NALCN: variants seen among roughly 807,000 people sequenced by gnomAD.
NALCN encodes the protein sodium leak channel NALCN.
NALCN carries 111 observed loss-of-function variants against 225.3 expected under a neutral mutation model. The observed-to-expected ratio is 0.49, with a 90% confidence interval of 0.42 to 0.58. The LOEUF is 0.58. NALCN is among the 20% of genes least tolerant of loss of function. The pLI, the probability that NALCN is intolerant of heterozygous loss-of-function variation, is 0.00. For missense variants in NALCN, 1,378 were observed against 2,202.4 expected, an observed-to-expected ratio of 0.63 and a Z score of 7.49; for synonymous variants, 764 against 769.0, an observed-to-expected ratio of 0.99 and a Z score of 0.11.
At chr13:101,174,440 T>G (rs949103384) in intron 15 of NALCN, among the ~76,000 whole-genome samples, 1 of 152,184 alleles carries the variant, frequency 6.6e-6, no homozygotes, top group African/African-American at 2.4e-5. Context: ...TATAGTTTAT[T>G]AAAACTTTAT....
At chr13:101,067,332 GAAGAAGA>G (rs2032500652) in intron 39 of NALCN, among the ~76,000 whole-genome samples, 1 of 96,314 alleles carries the variant, frequency 1.0e-5, no homozygotes, top group African/African-American at 4.1e-5. Flanking sequence ...AGAGGAGGGG[GAAGAAGA>G]GGGGGTAGAG....
At chr13:101,263,952 A>G (rs2042514753) in intron 10 of NALCN, among the ~76,000 whole-genome samples, 1 of 152,234 alleles carries the variant, frequency 6.6e-6, no homozygotes, top group Admixed American at 6.5e-5. Context: ...GGCTGATGAC[A>G]TTACATTTAG....
intron 7 of NALCN, among the ~76,000 whole-genome samples, chr13:101,344,496 C>T (rs746822340): frequency 5.9e-5 from 9 of 152,094 alleles, no homozygotes; most frequent in African/African-American, 7.2e-5. Flanking sequence ...GCACGCAGGC[C>T]TGACACTTGA....
intron 6 of NALCN, among the ~76,000 whole-genome samples, chr13:101,347,329 A>G (rs1462249421): frequency 2.6e-5 from 4 of 152,048 alleles, no homozygotes. Flanking sequence ...TGGTTAAATC[A>G]TTGCTCCCTC....
chr13:101,071,344 C>T (rs1197474447), intron 37 of NALCN, among the ~76,000 whole-genome samples: 3 of 152,316 alleles, frequency 2.0e-5, no homozygotes, highest in South Asian at 2.1e-4. Context: ...GCATCTTCTT[C>T]CAATAGAAGG....
intron 3 of NALCN, among the ~76,000 whole-genome samples, chr13:101,393,720 T>C (rs1167653198): frequency 6.6e-6 from 1 of 152,154 alleles, no homozygotes; most frequent in East Asian, 1.9e-4. Context: ...GGCAGGAGAA[T>C]TGCTTGAATG....
chr13:101,324,289 TATA>T (rs1187547026), intron 7 of NALCN, among the ~76,000 whole-genome samples: 1 of 152,106 alleles, frequency 6.6e-6, no homozygotes, highest in Non-Finnish European at 1.5e-5. Context: ...AAGCAAAAAA[TATA>T]ATGTCAATCA....
At chr13:101,286,896 C>CACA (rs2043359249) in intron 9 of NALCN, among the ~76,000 whole-genome samples, 3 of 151,372 alleles carry the variant, frequency 2.0e-5, no homozygotes, top group Admixed American at 2.0e-4. Flanking sequence ...CACACACACA[C>CACA]ACCTGCATCC....
At chr13:101,356,811 C>A (rs2046076522) in intron 6 of NALCN, among the ~76,000 whole-genome samples, 1 of 152,186 alleles carries the variant, frequency 6.6e-6, no homozygotes, top group African/African-American at 2.4e-5. Flanking sequence ...CAAACCGAAT[C>A]CAACAGCACA....
intron 6 of NALCN, among the ~76,000 whole-genome samples, chr13:101,350,610 A>T (rs1261047261): frequency 6.6e-6 from 1 of 152,132 alleles, no homozygotes; most frequent in Non-Finnish European, 1.5e-5. Flanking sequence ...TCCCTGACAC[A>T]GCGTCTATGA....
At chr13:101,376,161 T>C (rs1472548525) in intron 6 of NALCN, among the ~76,000 whole-genome samples, 1 of 152,166 alleles carries the variant, frequency 6.6e-6, no homozygotes, top group East Asian at 1.9e-4. Flanking sequence ...GAGCTTTTTT[T>C]CCCGAACATG....
At chr13:101,397,797 A>G (rs1259442590) in intron 2 of NALCN, among the ~76,000 whole-genome samples, 1 of 152,212 alleles carries the variant, frequency 6.6e-6, no homozygotes, top group Non-Finnish European at 1.5e-5. Flanking sequence ...CTTTATATTT[A>G]CATACAAATA....
At chr13:101,168,345 A>G (rs1474233292) in intron 15 of NALCN, among the ~76,000 whole-genome samples, 1 of 152,144 alleles carries the variant, frequency 6.6e-6, no homozygotes. Flanking sequence ...GTATCTCTCC[A>G]TAGACATTGT....
intron 7 of NALCN, among the ~76,000 whole-genome samples, chr13:101,322,902 G>A (rs1425809622): frequency 1.3e-5 from 2 of 151,980 alleles, no homozygotes; most frequent in Non-Finnish European, 2.9e-5. Flanking sequence ...AGTAGAGACA[G>A]GGTTTCACCA....
At chr13:101,305,621 A>G (rs990608684) in intron 7 of NALCN, among the ~76,000 whole-genome samples, 6 of 152,250 alleles carry the variant, frequency 3.9e-5, no homozygotes, top group Admixed American at 6.5e-5. Flanking sequence ...TTCAAGTCCA[A>G]CAATACCTCT....
At chr13:101,056,436 AT>A (rs2031271678) in intron 43 of NALCN, among the ~76,000 whole-genome samples, 1 of 151,402 alleles carries the variant, frequency 6.6e-6, no homozygotes, top group Non-Finnish European at 1.5e-5. Context: ...TAATTTTTGT[AT>A]TTTTAGTAGA....
intron 15 of NALCN, among the ~76,000 whole-genome samples, chr13:101,150,512 A>G (rs2037595371): frequency 6.6e-6 from 1 of 152,178 alleles, no homozygotes; most frequent in African/African-American, 2.4e-5. Context: ...CAGACACAGA[A>G]AAAGGAAGAA....
rs1230307007 is a variant in NALCN, at chr13:101,395,200, T to C, written c.274A>G (p.Ile92Val). The change falls in exon 3 of 44, where the codon ATC becomes GTC. Residue 92 changes from isoleucine (I) to valine (V), a missense_variant. By Grantham distance (29) the Ile-to-Val change is conservative. Around this residue, in one of 19 missense-constraint regions of NALCN, gnomAD observed 146 missense variants for 205.9 expected, o/e 0.71. Transcript: ENST00000251127. Reference sequence around the variant, plus strand: ...GTGCTCACCTTGACAATGCCCCGGATGTGCATTTTTGCTATCATCTCTGCC... The same window carrying C: ...GTGCTCACCTTGACAATGCCCCGGACGTGCATTTTTGCTATCATCTCTGCC... Reference protein sequence around the residue: ...YTAEMIAKMHIRGIVKGDSSY... With the variant: ...YTAEMIAKMHVRGIVKGDSSY... The C allele has an allele frequency of 1.2e-6, 2 of 1,613,412 alleles. No individual in the cohort carries two copies. Among genetic ancestry groups the C allele is most frequent in the African/African-American group, 1.3e-5 (1 of 74,902 alleles).
chr13:101,111,256 T>C, intron 18 of NALCN, 30 bp from the exon 19 acceptor site: 1 of 1,560,560 alleles, frequency 6.4e-7, no homozygotes, highest in Admixed American at 1.7e-5. Context: ...CCAAGATAAA[T>C]GCATGGTTTG....
Sources: gnomAD v4.1 joint callset for allele counts (sites outside exome capture counted in the v4.1 genomes callset) on GRCh38, gnomAD v4.1.1 for gene constraint, gnomAD v4.1.1 regional missense constraint, MANE v1.5 for transcripts, NCBI Gene and HGNC (gene_info 2026-07-23, HGNC 2026-07-21) for gene names.